Variants in TMPRSS5 observed in about 807,000 individuals in gnomAD.
TMPRSS5 encodes the protein transmembrane protease serine 5.
Under a neutral mutation model 59.7 loss-of-function variants are expected in TMPRSS5, and 45 were observed. The observed-to-expected ratio is 0.75, with a 90% CI of 0.59 to 0.97. The LOEUF (loss-of-function observed/expected upper bound fraction) is 0.97, where lower values mean the gene tolerates loss of function less well. Ranked by LOEUF, TMPRSS5 falls within the 50% of genes least tolerant of loss-of-function variation. The pLI is 0.00. For missense variants in TMPRSS5, 585 were observed against 596.7 expected, an observed-to-expected ratio of 0.98 and a Z score of 0.20; for synonymous variants, 225 against 232.0, an observed-to-expected ratio of 0.97 and a Z score of 0.27.
intron 4 of TMPRSS5, among the ~76,000 whole-genome samples, chr11:113,697,944 T>A (rs566541469): frequency 6.6e-6 from 1 of 152,198 alleles, no homozygotes; most frequent in Admixed American, 6.5e-5. Flanking sequence ...TGTGACTGTA[T>A]TTGGAGACAG....
Position 113,699,231 on chromosome 11 carries a change from C to CTG in TMPRSS5, c.206-205_206-204insCA, listed in dbSNP as rs1953028155. Among the ~76,000 whole-genome samples, 8 of 58,236 alleles carry CTG rather than the reference C, an allele frequency of 1.4e-4. 1 individual carries two copies. Among genetic ancestry groups the CTG allele is most frequent in the Admixed American group, 1.9e-4 (1 of 5,144 alleles). The allele number at this position is 58,236 out of a possible 152,430, so 38.2% of individuals were successfully genotyped here. A position where few individuals can be genotyped will look rare whatever the true frequency, so the allele number is the denominator to read the frequency against. On this transcript the variant is annotated intron_variant, in intron 3 of 12. Transcript: ENST00000299882. The stretch of plus-strand genomic sequence containing the variant: ...TGTCTGTCTCTCTCTCTCTCTCTCT[C>CTG]TCTCTCTCTCTCTCTCTCTCTCTCT...
chr11:113,706,115 G>A, intron 1 of TMPRSS5, 107 bp downstream of exon 1: 1 of 1,363,684 alleles, frequency 7.3e-7, no homozygotes, highest in Non-Finnish European at 1.0e-6. Context: ...TACCAGAGCT[G>A]CCTCAGGAGG....
Position 113,690,481 on chromosome 11 carries a change from G to C in TMPRSS5, c.1064-108C>G, listed in dbSNP as rs140541253. The stretch of plus-strand genomic sequence containing the variant: ...TCCCAGAGACAGGGAGACCCAAAGA[G>C]GCGAGCCCAGGGTGGGAGCTGTGGA... On this transcript the variant is annotated intron_variant, in intron 10 of 12. Transcript: ENST00000299882. 8.4e-4 allele frequency: 1,232 copies of C among 1,467,474 alleles called. 13 individuals are homozygous for C. The African/African-American group carries it at 0.014, about 17-fold the overall frequency. 90.9% of individuals were successfully genotyped at this position (1,467,474 alleles called of 1,614,324 possible).
intron 8 of TMPRSS5, 33 bp downstream of exon 8, chr11:113,694,445 G>C (rs1591378278): frequency 6.5e-7 from 1 of 1,549,432 alleles, no homozygotes; most frequent in Non-Finnish European, 8.7e-7. Flanking sequence ...GGGCAACTGA[G>C]GCTCTCTGTC....
chr11:113,689,247 T>C (rs1169207914), intron 12 of TMPRSS5, among the ~76,000 whole-genome samples: 1 of 152,070 alleles, frequency 6.6e-6, no homozygotes, highest in African/African-American at 2.4e-5. Context: ...TCCCAGCTAC[T>C]TGGGAGGCTG....
chr11:113,693,357 C>T (rs1327471327), intron 8 of TMPRSS5, 108 bp from the exon 9 acceptor site: 14 of 1,259,728 alleles, frequency 1.1e-5, no homozygotes, highest in Middle Eastern at 2.8e-4. Flanking sequence ...GTGGGGGGGC[C>T]GTCAGCAGGC....
rs1591379677 is a variant in TMPRSS5, at chr11:113,695,228, G to A, written c.622+172C>T. 3.9e-5 allele frequency among the ~76,000 whole-genome samples: 6 copies of A among 152,136 alleles called. No homozygotes were observed. The South Asian group carries it at 6.2e-4, about 16-fold the overall frequency. ...CATGATGGAGGCTTAGAAAGGGTTC[G>A]GCTGGGGCAGAACAGCAACTGCAAG... is the stretch of plus-strand genomic sequence containing the variant. On this transcript the variant is annotated intron_variant, in intron 7 of 12. Transcript: ENST00000299882.
intron 4 of TMPRSS5, 195 bp downstream of exon 4, chr11:113,698,710 G>T: frequency 1.5e-6 from 1 of 651,018 alleles, no homozygotes; most frequent in Non-Finnish European, 2.6e-6. Flanking sequence ...GATCAGGACA[G>T]TCCTCAGGCA....
intron 3 of TMPRSS5, among the ~76,000 whole-genome samples, chr11:113,699,260 T>TCTCTCTCC (rs1953039814): frequency 6.1e-4 from 22 of 35,946 alleles, no homozygotes; most frequent in South Asian, 3.3e-3. Context: ...TCTCTCTCTC[T>TCTCTCTCC]CTCTCTCTCT....
At chr11:113,701,779 CT>C (rs5794877) in intron 1 of TMPRSS5, among the ~76,000 whole-genome samples, 111,695 of 150,982 alleles carry the variant, frequency 0.74, 42,344 homozygotes, top group African/African-American at 0.92. Flanking sequence ...TATAGTCTTT[CT>C]TTTTTTTTTA....
intron 1 of TMPRSS5, among the ~76,000 whole-genome samples, chr11:113,705,180 C>A (rs901287410): frequency 2.0e-5 from 3 of 152,158 alleles, no homozygotes; most frequent in Non-Finnish European, 4.4e-5. Context: ...ACAGTATTGG[C>A]TTAAATGTGA....
At chr11:113,702,774 C>T (rs1953178575) in intron 1 of TMPRSS5, among the ~76,000 whole-genome samples, 1 of 152,230 alleles carries the variant, frequency 6.6e-6, no homozygotes, top group Non-Finnish European at 1.5e-5. Context: ...AGGTACAGCT[C>T]AGATCATTGC....
intron 11 of TMPRSS5, 55 bp downstream of exon 11, chr11:113,690,176 G>GGCCCGCCCCCCCC: frequency 5.2e-6 from 2 of 388,230 alleles, no homozygotes; most frequent in Non-Finnish European, 4.2e-6. Flanking sequence ...CAGGCCCCCT[G>GGCCCGCCCCCCCC]CCCTCCCACC....
Position 113,697,349 on chromosome 11 carries a change from A to C in TMPRSS5, c.398T>G (p.Leu133Arg). 6.2e-7 allele frequency: 1 copy of C among 1,613,832 alleles called. No homozygotes were observed. Among genetic ancestry groups the C allele is most frequent in the Non-Finnish European group, 8.5e-7 (1 of 1,179,714 alleles). The stretch of plus-strand genomic sequence containing the variant: ...GGGGCTCCAGCCCTCATGGCAGACC[A>C]GGAGCCAGCGTGGCTGATCCCTCAC... ...AQVRDQPRWLLVCHEGWSPAL... is the reference protein window; with the variant it reads ...AQVRDQPRWLRVCHEGWSPAL... Residue 133 changes from leucine to arginine, a missense_variant, in exon 5 of 13, where the codon CTG becomes CGG. Coordinates refer to ENST00000299882, the MANE Select transcript of TMPRSS5 (RefSeq NM_030770.4).
At chr11:113,697,991 C>T (rs142986907) in intron 4 of TMPRSS5, among the ~76,000 whole-genome samples, 9 of 152,202 alleles carry the variant, frequency 5.9e-5, no homozygotes, top group African/African-American at 2.2e-4. Flanking sequence ...AATGAGGTCA[C>T]GAGGGTGACG....
intron 2 of TMPRSS5, 24 bp downstream of exon 2, chr11:113,700,042 C>A (rs746840033): frequency 5.8e-6 from 9 of 1,553,822 alleles, no homozygotes; most frequent in Non-Finnish European, 5.2e-6. Context: ...CCCTGTCATT[C>A]CCCTATGGCC....
intron 1 of TMPRSS5, among the ~76,000 whole-genome samples, chr11:113,702,415 AT>A (rs1953165579): frequency 2.0e-5 from 3 of 152,208 alleles, no homozygotes; most frequent in African/African-American, 7.2e-5. Flanking sequence ...GGCAGAAGAA[AT>A]TTCTAAGCAG....
At chr11:113,698,088 C>T (rs1410557577) in intron 4 of TMPRSS5, among the ~76,000 whole-genome samples, 2 of 152,072 alleles carry the variant, frequency 1.3e-5, no homozygotes, top group African/African-American at 2.4e-5. Context: ...AGGAAAGGCC[C>T]GGGGAGTACA....
chr11:113,697,215 G>T, intron 5 of TMPRSS5, 68 bp downstream of exon 5: 1 of 1,553,052 alleles, frequency 6.4e-7, no homozygotes, highest in Non-Finnish European at 8.7e-7. Flanking sequence ...GCAGGTAGAG[G>T]TCTCCAATTC....
Sources: allele counts gnomAD v4.1 joint callset (sites outside exome capture counted in the v4.1 genomes callset), GRCh38; gene constraint gnomAD v4.1.1; transcripts MANE v1.5; gene names NCBI Gene and HGNC (gene_info 2026-07-23, HGNC 2026-07-21).